Variants in HES5 observed in about 807,000 individuals in gnomAD.
HES5 encodes transcription factor HES-5.
Under a neutral mutation model 9.6 loss-of-function variants are expected in HES5, and 12 were observed. The observed-to-expected ratio is 1.25, with a 90% CI of 0.80 to 2.03. The LOEUF (loss-of-function observed/expected upper bound fraction) is 2.03. Ranked by LOEUF, HES5 falls within the 30% of genes most tolerant of loss-of-function variation. The pLI is 0.00. For synonymous variants in HES5, 131 were observed against 102.4 expected (o/e 1.28, Z -1.69); for missense variants, 255 against 218.6 (o/e 1.17, Z -1.05).
rs1007904113 is a variant in HES5 at position 2,529,260 on chromosome 1, G to A, written c.*209C>T. On this transcript the variant is annotated 3_prime_UTR_variant, in exon 3 of 3. Transcript: ENST00000378453. This position sits in a 1 kb window ranked among gnomAD's most constrained non-coding sequence, Gnocchi z 4.5. ...GGGTCAGACACTTGGCAGAAGATGG[G>A]CCCTGATTGTCCTAAAACGGCAGGG... 38 of 259,992 alleles carry A rather than the reference G, an allele frequency of 1.5e-4. No homozygotes were observed. The highest frequency in any genetic ancestry group is 8.0e-4 in the African/African-American group (35 of 43,556). 16.1% of individuals were successfully genotyped at this position (259,992 alleles called of 1,614,324 possible). A position where few individuals can be genotyped will look rare whatever the true frequency, so the allele number is the denominator to read the frequency against.
In HES5 at chr1:2,529,359, G is replaced by A; in HGVS notation, c.*110C>T. 1 of 963,924 alleles carries A rather than the reference G, an allele frequency of 1.0e-6. No homozygotes were observed. Among genetic ancestry groups the A allele is most frequent in the Non-Finnish European group, 1.2e-6 (1 of 809,252 alleles). 59.7% of individuals were successfully genotyped at this position (963,924 alleles called of 1,614,324 possible). ...CTTGGGGCCAGAGCCTTCCGGAGAA[G>A]GGCGCGTCCAAGCCCGGGGCGGACG... On this transcript the variant is annotated 3_prime_UTR_variant, in exon 3 of 3. Transcript: ENST00000378453. This position sits in a 1 kb window ranked among gnomAD's most constrained non-coding sequence, Gnocchi z 4.5.
Position 2,529,668 on chromosome 1 carries a change from T to G in HES5, c.302A>C (p.Gln101Pro). ...GCTGGCGGCGTGGAGCGTCAGGAACTGCACGGCCTCCTGCAGGCACCACGA... is the reference window on the plus strand; with the variant it reads ...GCTGGCGGCGTGGAGCGTCAGGAACGGCACGGCCTCCTGCAGGCACCACGA... The part of the protein sequence containing the change: ...GYSWCLQEAV[Q>P]FLTLHAASDT... Residue 101 changes from glutamine (Q) to proline (P), a missense_variant, in exon 3 of 3, where the codon CAG becomes CCG. Physicochemically the swap from Gln to Pro is moderately conservative, Grantham distance 76. Transcript: ENST00000378453. The surrounding 1 kb of genome is among the most constrained non-coding windows in gnomAD (Gnocchi z 4.5). 1 of 1,319,192 alleles carries G rather than the reference T, an allele frequency of 7.6e-7. No individual in the cohort carries two copies. Among genetic ancestry groups the G allele is most frequent in the Non-Finnish European group, 9.8e-7 (1 of 1,016,522 alleles). 81.7% of individuals were successfully genotyped at this position (1,319,192 alleles called of 1,614,324 possible). A position where few individuals can be genotyped will look rare whatever the true frequency, so the allele number is the denominator to read the frequency against.
rs115638831 is a variant in HES5 at position 2,529,125 on chromosome 1, C to T, written c.*344G>A. 2,560 of 152,968 alleles carry T rather than the reference C, an allele frequency of 0.017. 24 individuals are homozygous for T. The highest frequency in any genetic ancestry group is 0.023 in the Non-Finnish European group (1,583 of 68,234). 9.5% of individuals were successfully genotyped at this position (152,968 alleles called of 1,614,324 possible). On this transcript the variant is annotated 3_prime_UTR_variant, in exon 3 of 3. Transcript: ENST00000378453. The surrounding 1 kb of genome is among the most constrained non-coding windows in gnomAD (Gnocchi z 4.5). The stretch of plus-strand genomic sequence containing the variant: ...GGCCCTGAAGAAAGTCCTCTACAGG[C>T]TGGGGGCAGCAGTGTGCGAGCCCCG...
Position 2,529,464 on chromosome 1 carries a change from C to T in HES5, c.*5G>A. 9.4e-7 allele frequency: 1 copy of T among 1,062,724 alleles called. No individual in the cohort carries two copies. The highest frequency in any genetic ancestry group is 1.1e-6 in the Non-Finnish European group (1 of 880,314). 65.8% of individuals were successfully genotyped at this position (1,062,724 alleles called of 1,614,324 possible). On this transcript the variant is annotated 3_prime_UTR_variant, in exon 3 of 3. Transcript: ENST00000378453. This position sits in a 1 kb window ranked among gnomAD's most constrained non-coding sequence, Gnocchi z 4.5. ...TCGGGCCGCGCGCCCGCAGGTCCCG[C>T]CGGGTCACCAGGGCCGCCAGAGGCC... is the stretch of plus-strand genomic sequence containing the variant.
In HES5 at chr1:2,529,681, G is replaced by A; in HGVS notation, c.289C>T (p.Gln97Ter). The change falls in exon 3 of 3, where the codon CAG becomes TAG. Residue 97 changes from glutamine to a stop codon, truncating the protein, a stop_gained. Coordinates refer to ENST00000378453, the MANE Select transcript of HES5 (RefSeq NM_001010926.4). LOFTEE classifies it low-confidence loss of function (END_TRUNC). The surrounding 1 kb of genome is among the most constrained non-coding windows in gnomAD (Gnocchi z 4.5). Reference sequence around the variant, plus strand: ...AGCGTCAGGAACTGCACGGCCTCCTGCAGGCACCACGAGTAGCCTTCGCTG... The same window carrying A: ...AGCGTCAGGAACTGCACGGCCTCCTACAGGCACCACGAGTAGCCTTCGCTG... ...DYSEGYSWCL[Q>*]EAVQFLTLHA... 1 of 1,319,118 alleles carries A rather than the reference G, an allele frequency of 7.6e-7. No homozygotes were observed. The highest frequency in any genetic ancestry group is 9.8e-7 in the Non-Finnish European group (1 of 1,017,886). The allele number at this position is 1,319,118 out of a possible 1,614,324, so 81.7% of individuals were successfully genotyped here.
At position 2,529,892 on chromosome 1, in the gene HES5, C is replaced by T. The variant is rs745880943; in HGVS notation, c.174G>A (p.Lys58=). Residue 58 remains lysine, a synonymous_variant, in exon 2 of 3, where the codon AAG becomes AAA. Coordinates refer to ENST00000378453, the MANE Select transcript of HES5 (RefSeq NM_001010926.4). The surrounding 1 kb of genome is among the most constrained non-coding windows in gnomAD (Gnocchi z 4.5). ...TGACAGCCATCTCCAGGATGTCGGC[C>T]TTCTCCAGCTTGGAGTTGGGCTGGT... ...ARHQPNSKLE[K]ADILEMAVSY... 1.2e-6 allele frequency: 2 copies of T among 1,603,912 alleles called. No homozygotes were observed. Among genetic ancestry groups the T allele is most frequent in the Admixed American group, 3.4e-5 (2 of 59,120 alleles).
chr1:2,529,533 G>A lies in HES5; in HGVS notation c.437C>T (p.Ala146Val), dbSNP rs550513919. 1.9e-4 allele frequency: 197 copies of A among 1,061,762 alleles called. 1 individual carries two copies. The South Asian group carries it at 5.9e-3, about 32-fold the overall frequency. The allele number at this position is 1,061,762 out of a possible 1,614,324, so 65.8% of individuals were successfully genotyped here. A position where few individuals can be genotyped will look rare whatever the true frequency, so the allele number is the denominator to read the frequency against. The change falls in exon 3 of 3, where the codon GCC (alanine) becomes GTC (valine). Residue 146 changes from alanine to valine, a missense_variant. Ala to Val is a moderately conservative substitution (Grantham distance 64). Transcript: ENST00000378453. The surrounding 1 kb of genome is among the most constrained non-coding windows in gnomAD (Gnocchi z 4.5). Reference protein sequence around the residue: ...PGAAPPPALSAKATAAAAAAH... With the variant: ...PGAAPPPALSVKATAAAAAAH... ...GGCGGCGGCGGCGGCGGTGGCCTTG[G>A]CGGAGAGCGCGGGCGGGGGCGCGGC...
In HES5 at chr1:2,529,761, CGCGGCGGCGGTGAGCGG is replaced by C; in HGVS notation, c.221-29_221-13del. The C allele has an allele frequency of 1.3e-5, 16 of 1,237,638 alleles. No homozygotes were observed. The highest frequency in any genetic ancestry group is 1.6e-5 in the Non-Finnish European group (16 of 984,820). 76.7% of individuals were successfully genotyped at this position (1,237,638 alleles called of 1,614,324 possible). ...GGCGGCGACGAAGGCTGCGGGGAGACGCGGCGGCGGTGAGCGGGCGGCGGGGCGCGGGGGAGCCGGGG... is the reference window on the plus strand; with the variant it reads ...GGCGGCGACGAAGGCTGCGGGGAGACGCGGCGGGGCGCGGGGGAGCCGGGG... On this transcript the variant is annotated splice_polypyrimidine_tract_variant and intron_variant, in intron 2 of 2. Transcript: ENST00000378453. This position sits in a 1 kb window ranked among gnomAD's most constrained non-coding sequence, Gnocchi z 4.5.
chr1:2,529,607 C>T lies in HES5; in HGVS notation c.363G>A (p.Arg121=), dbSNP rs1279990120. ...CGGGCGCGGCGGGCGCGGCCGGGGG[C>T]CGCTGGAAGTGGTACAGCAGCTTCA... ...TQMKLLYHFQ[R]PPAAPAAPAK... The change falls in exon 3 of 3, where the codon CGG becomes CGA. Residue 121 remains arginine, a synonymous_variant. Coordinates refer to ENST00000378453, the MANE Select transcript of HES5 (RefSeq NM_001010926.4). This position sits in a 1 kb window ranked among gnomAD's most constrained non-coding sequence, Gnocchi z 4.5. 2 of 1,229,232 alleles carry T rather than the reference C, an allele frequency of 1.6e-6. No individual in the cohort carries two copies. Among genetic ancestry groups the T allele is most frequent in the African/African-American group, 1.6e-5 (1 of 62,552 alleles). 76.1% of individuals were successfully genotyped at this position (1,229,232 alleles called of 1,614,324 possible). A position where few individuals can be genotyped will look rare whatever the true frequency, so the allele number is the denominator to read the frequency against.
chr1:2,530,068 C>CG, intron 1 of HES5, 43 bp downstream of exon 1: 1 of 1,597,546 alleles, frequency 6.3e-7, no homozygotes. Context: ...CCCCGAGGAC[C>CG]GGAGGCCGCG....
At position 2,530,230 on chromosome 1, in the gene HES5, G is replaced by C; in HGVS notation, c.-66C>G. On this transcript the variant is annotated 5_prime_UTR_variant, in exon 1 of 3. Transcript: ENST00000378453. ...GGGCGAGACGAGGCGAGCGGGCGCGGGCAAGGCCAAGCGCGTCCCGGGCTG... is the reference window on the plus strand; with the variant it reads ...GGGCGAGACGAGGCGAGCGGGCGCGCGCAAGGCCAAGCGCGTCCCGGGCTG... 1 of 1,369,278 alleles carries C rather than the reference G, an allele frequency of 7.3e-7. No homozygotes were observed. Among genetic ancestry groups the C allele is most frequent in the South Asian group, 1.7e-5 (1 of 59,726 alleles). 84.8% of individuals were successfully genotyped at this position (1,369,278 alleles called of 1,614,324 possible). A position where few individuals can be genotyped will look rare whatever the true frequency, so the allele number is the denominator to read the frequency against.
rs961094202 is a variant in HES5, at chr1:2,530,180, G to C, written c.-16C>G. On this transcript the variant is annotated 5_prime_UTR_variant, in exon 1 of 3. Coordinates refer to ENST00000378453, the MANE Select transcript of HES5 (RefSeq NM_001010926.4). ...TGGGGGCCATGCCTGGCGCGGAACAGGCGACGAGGCGACGCGGGGAGGCCG... is the reference window on the plus strand; with the variant it reads ...TGGGGGCCATGCCTGGCGCGGAACACGCGACGAGGCGACGCGGGGAGGCCG... 1 of 1,480,030 alleles carries C rather than the reference G, an allele frequency of 6.8e-7. No homozygotes were observed. Among genetic ancestry groups the C allele is most frequent in the African/African-American group, 1.5e-5 (1 of 68,344 alleles). The allele number at this position is 1,480,030 out of a possible 1,614,324, so 91.7% of individuals were successfully genotyped here.
chr1:2,530,214 G>A lies in HES5; in HGVS notation c.-50C>T, dbSNP rs752768227. The A allele has an allele frequency of 2.1e-6, 3 of 1,420,030 alleles. No individual in the cohort carries two copies. Among genetic ancestry groups the A allele is most frequent in the South Asian group, 3.0e-5 (2 of 67,096 alleles). The allele number at this position is 1,420,030 out of a possible 1,614,324, so 88.0% of individuals were successfully genotyped here. Reference sequence around the variant, plus strand: ...GCGACGCGGGGAGGCCGGGCGAGACGAGGCGAGCGGGCGCGGGCAAGGCCA... The same window carrying A: ...GCGACGCGGGGAGGCCGGGCGAGACAAGGCGAGCGGGCGCGGGCAAGGCCA... On this transcript the variant is annotated 5_prime_UTR_variant, in exon 1 of 3. Coordinates refer to ENST00000378453, the MANE Select transcript of HES5 (RefSeq NM_001010926.4).
chr1:2,529,449 C>G lies in HES5; in HGVS notation c.*20G>C, dbSNP rs1363861359. 9.4e-6 allele frequency: 10 copies of G among 1,064,562 alleles called. No homozygotes were observed. The highest frequency in any genetic ancestry group is 1.1e-5 in the Non-Finnish European group (10 of 881,598). 65.9% of individuals were successfully genotyped at this position (1,064,562 alleles called of 1,614,324 possible). ...CTCGCCCTCTGGTCGTCGGGCCGCG[C>G]GCCCGCAGGTCCCGCCGGGTCACCA... On this transcript the variant is annotated 3_prime_UTR_variant, in exon 3 of 3. Transcript: ENST00000378453. The surrounding 1 kb of genome is among the most constrained non-coding windows in gnomAD (Gnocchi z 4.5).
Position 2,530,222 on chromosome 1 carries a change from C to G in HES5, c.-58G>C. On this transcript the variant is annotated 5_prime_UTR_variant, in exon 1 of 3. Transcript: ENST00000378453. ...GGGAGGCCGGGCGAGACGAGGCGAG[C>G]GGGCGCGGGCAAGGCCAAGCGCGTC... is the stretch of plus-strand genomic sequence containing the variant. 2.2e-6 allele frequency: 3 copies of G among 1,395,068 alleles called. No individual in the cohort carries two copies. The highest frequency in any genetic ancestry group is 2.8e-6 in the Non-Finnish European group (3 of 1,065,598). The allele number at this position is 1,395,068 out of a possible 1,614,324, so 86.4% of individuals were successfully genotyped here. A position where few individuals can be genotyped will look rare whatever the true frequency, so the allele number is the denominator to read the frequency against.
Position 2,529,310 on chromosome 1 carries a change from A to T in HES5, c.*159T>A. 3.2e-6 allele frequency: 2 copies of T among 630,312 alleles called. No homozygotes were observed. Among genetic ancestry groups the T allele is most frequent in the Non-Finnish European group, 4.0e-6 (2 of 502,488 alleles). The allele number at this position is 630,312 out of a possible 1,614,324, so 39.0% of individuals were successfully genotyped here. A position where few individuals can be genotyped will look rare whatever the true frequency, so the allele number is the denominator to read the frequency against. ...GACTCTGCACACACATTCTCTGAGA[A>T]TGGGGCTCCTGCGGGCCGGCCAGCT... On this transcript the variant is annotated 3_prime_UTR_variant, in exon 3 of 3. Coordinates refer to ENST00000378453, the MANE Select transcript of HES5 (RefSeq NM_001010926.4). This position sits in a 1 kb window ranked among gnomAD's most constrained non-coding sequence, Gnocchi z 4.5.
rs748987789 is a variant in HES5, at chr1:2,529,875, A to G, written c.191T>C (p.Met64Thr). 1 of 1,599,196 alleles carries G rather than the reference A, an allele frequency of 6.3e-7. No homozygotes were observed. ...SKLEKADILE[M>T]AVSYLKHSKA... ...GCTGTGCTTCAGGTAGCTGACAGCC[A>G]TCTCCAGGATGTCGGCCTTCTCCAG... The change falls in exon 2 of 3, where the codon ATG becomes ACG. Residue 64 changes from methionine to threonine, a missense_variant. By Grantham distance (81) the Met-to-Thr change is moderately conservative. Transcript: ENST00000378453. The surrounding 1 kb of genome is among the most constrained non-coding windows in gnomAD (Gnocchi z 4.5).
chr1:2,530,155 T>TG lies in HES5; in HGVS notation c.9dup (p.Ser4GlnfsTer186), dbSNP rs1643988430. 6.6e-7 allele frequency: 1 copy of TG among 1,520,760 alleles called. No homozygotes were observed. Among genetic ancestry groups the TG allele is most frequent in the Non-Finnish European group, 8.8e-7 (1 of 1,132,922 alleles). The allele number at this position is 1,520,760 out of a possible 1,614,324, so 94.2% of individuals were successfully genotyped here. ...CTGAGCAGCTCCACGGCCACAGTGC[T>TG]GGGGGCCATGCCTGGCGCGGAACAG... is the stretch of plus-strand genomic sequence containing the variant. On this transcript the variant is annotated frameshift_variant, in exon 1 of 3. Coordinates refer to ENST00000378453, the MANE Select transcript of HES5 (RefSeq NM_001010926.4). LOFTEE classifies it high-confidence loss of function.
In HES5 at chr1:2,529,852, T is replaced by C; in HGVS notation, c.214A>G (p.Ser72Gly). 3.2e-6 allele frequency: 5 copies of C among 1,573,656 alleles called. No homozygotes were observed. The highest frequency in any genetic ancestry group is 1.2e-5 in the South Asian group (1 of 86,200). ...GGGGCCCGGGCGCGCTCACCTTTGC[T>C]GTGCTTCAGGTAGCTGACAGCCATC... is the stretch of plus-strand genomic sequence containing the variant. ...LEMAVSYLKH[S>G]KAFVAAAGPK... Residue 72 changes from serine (S) to glycine (G), a missense_variant, in exon 2 of 3, where the codon AGC (serine) becomes GGC (glycine). Transcript: ENST00000378453. The surrounding 1 kb of genome is among the most constrained non-coding windows in gnomAD (Gnocchi z 4.5).
Sources: allele counts gnomAD v4.1 joint callset, GRCh38; gene constraint gnomAD v4.1.1; non-coding constraint Gnocchi (gnomAD v3.1); transcripts MANE v1.5; gene names NCBI Gene and HGNC (gene_info 2026-07-23, HGNC 2026-07-21).